ARHGAP28: variants seen among roughly 807,000 people sequenced by gnomAD.
ARHGAP28 encodes Rho GTPase activating protein 28.
In ARHGAP28, 56 loss-of-function variants were observed where a neutral mutation model predicts 90.7. That is an observed-to-expected ratio of 0.62 (90% CI 0.50 to 0.77). ARHGAP28 has a LOEUF of 0.77. ARHGAP28 is among the 30% of genes least tolerant of loss of function. The pLI is 0.00. For missense variants in ARHGAP28, 869 were observed against 900.9 expected, an observed-to-expected ratio of 0.96 and a Z score of 0.45; for synonymous variants, 308 against 323.3, an observed-to-expected ratio of 0.95 and a Z score of 0.51.
At chr18:6,807,667 T>C (rs545342460) in intron 1 of ARHGAP28, among the ~76,000 whole-genome samples, 111 of 152,328 alleles carry the variant, frequency 7.3e-4, no homozygotes, top group African/African-American at 2.5e-3. Flanking sequence ...GATCCTGTTA[T>C]CTGATTCTTC....
chr18:6,774,479 A>T (rs369704863), intron 1 of ARHGAP28, among the ~76,000 whole-genome samples: 1 of 152,196 alleles, frequency 6.6e-6, no homozygotes, highest in African/African-American at 2.4e-5. Context: ...TAAACCTCAA[A>T]TATACAAGTT....
chr18:6,746,281 T>G (rs1320820797), intron 1 of ARHGAP28, among the ~76,000 whole-genome samples: 1 of 152,058 alleles, frequency 6.6e-6, no homozygotes, highest in Admixed American at 6.6e-5. Context: ...AGACCAGGGG[T>G]TGGCACAGTT....
chr18:6,841,180 C>CCTCTCTCTCTCCTCTCTCT (rs2056814610), intron 3 of ARHGAP28, among the ~76,000 whole-genome samples: 1 of 57,064 alleles, frequency 1.8e-5, no homozygotes, highest in African/African-American at 1.0e-4. Flanking sequence ...CTCTCTCTCT[C>CCTCTCTCTCTCCTCTCTCT]CTCTCTCTCT....
At chr18:6,887,331 C>A in intron 12 of ARHGAP28, 92 bp downstream of exon 12, 1 of 1,159,314 alleles carries the variant, frequency 8.6e-7, no homozygotes, top group Non-Finnish European at 1.3e-6. Flanking sequence ...GATGACAGCT[C>A]ACTGAGCCAC....
At chr18:6,828,384 G>GGAGGAGAGAGGAGAGAGGAGA (rs371085342) in intron 2 of ARHGAP28, among the ~76,000 whole-genome samples, 1 of 151,632 alleles carries the variant, frequency 6.6e-6, no homozygotes, top group African/African-American at 2.4e-5. Flanking sequence ...GAGAGACAGA[G>GGAGGAGAGAGGAGAGAGGAGA]GAGGAGAGAG....
chr18:6,796,297 G>C (rs146900270), intron 1 of ARHGAP28, among the ~76,000 whole-genome samples: 59 of 151,928 alleles, frequency 3.9e-4, no homozygotes, highest in African/African-American at 1.4e-3. Context: ...TTTTCAGAGC[G>C]TATTGAGACC....
intron 3 of ARHGAP28, among the ~76,000 whole-genome samples, chr18:6,839,903 T>G (rs1017345416): frequency 6.6e-6 from 1 of 152,230 alleles, no homozygotes; most frequent in Non-Finnish European, 1.5e-5. Context: ...AAATTCATCT[T>G]TCTAATGGAT....
chr18:6,868,018 T>C, intron 5 of ARHGAP28, 132 bp from the exon 6 acceptor site: 2 of 698,870 alleles, frequency 2.9e-6, no homozygotes, highest in Non-Finnish European at 4.8e-6. Flanking sequence ...TGCCGGTCCT[T>C]TATGAAATCA....
intron 1 of ARHGAP28, among the ~76,000 whole-genome samples, chr18:6,735,561 T>G (rs1330801843): frequency 1.3e-5 from 2 of 151,908 alleles, no homozygotes; most frequent in Non-Finnish European, 2.9e-5. Context: ...TGCTGTTTTT[T>G]TTTTTTTTTT....
intron 17 of ARHGAP28, 51 bp from the exon 18 acceptor site, chr18:6,912,009 G>A (rs553521747): frequency 1.1e-4 from 133 of 1,208,674 alleles, no homozygotes; most frequent in Middle Eastern, 3.8e-4. Context: ...GTGTGCGCAC[G>A]CACACACACA....
intron 1 of ARHGAP28, among the ~76,000 whole-genome samples, chr18:6,738,313 A>G (rs1186989499): frequency 6.6e-6 from 1 of 151,960 alleles, no homozygotes; most frequent in African/African-American, 2.4e-5. Flanking sequence ...TTACTTATAT[A>G]CATTTATACT....
chr18:6,884,701 C>T (rs891437370), intron 11 of ARHGAP28, among the ~76,000 whole-genome samples: 9 of 152,122 alleles, frequency 5.9e-5, no homozygotes, highest in African/African-American at 1.4e-4. Context: ...ACCCCACACA[C>T]GCATGGTTTG....
intron 1 of ARHGAP28, among the ~76,000 whole-genome samples, chr18:6,783,559 C>T (rs930681420): frequency 6.9e-6 from 1 of 144,270 alleles, no homozygotes; most frequent in Non-Finnish European, 1.5e-5. Context: ...CCTCAGCCTC[C>T]CAAAGTGCTG....
At chr18:6,881,450 T>C (rs2057177277) in intron 10 of ARHGAP28, among the ~76,000 whole-genome samples, 1 of 151,954 alleles carries the variant, frequency 6.6e-6, no homozygotes, top group Admixed American at 6.6e-5. Context: ...CTGAGTGGCA[T>C]TGATAATCAG....
At chr18:6,823,901 G>C (rs1228521802) in intron 1 of ARHGAP28, among the ~76,000 whole-genome samples, 1 of 151,960 alleles carries the variant, frequency 6.6e-6, no homozygotes. Flanking sequence ...TGCATGTATG[G>C]TGGCTCTATT....
chr18:6,793,300 A>G (rs2056419178), intron 1 of ARHGAP28, among the ~76,000 whole-genome samples: 1 of 152,222 alleles, frequency 6.6e-6, no homozygotes, highest in Admixed American at 6.5e-5. Flanking sequence ...TATGCTCAAA[A>G]TAAGGACAGA....
At chr18:6,888,110 T>G (rs2057236270) in intron 12 of ARHGAP28, among the ~76,000 whole-genome samples, 1 of 152,210 alleles carries the variant, frequency 6.6e-6, no homozygotes, top group Admixed American at 6.5e-5. Context: ...TTTTACATAT[T>G]AGGAAAATGA....
intron 1 of ARHGAP28, among the ~76,000 whole-genome samples, chr18:6,815,598 C>T (rs560175471): frequency 1.3e-5 from 2 of 152,220 alleles, no homozygotes; most frequent in Admixed American, 1.3e-4. Context: ...TTAGCAGTCA[C>T]TCTCCATCTC....
At chr18:6,820,179 G>T (rs1229398171) in intron 1 of ARHGAP28, among the ~76,000 whole-genome samples, 1 of 151,954 alleles carries the variant, frequency 6.6e-6, no homozygotes, top group East Asian at 1.9e-4. Flanking sequence ...AGGATAGATG[G>T]GCAAAAATTG....
Sources: allele counts gnomAD v4.1 joint callset (sites outside exome capture counted in the v4.1 genomes callset), GRCh38; gene constraint gnomAD v4.1.1; transcripts MANE v1.5; gene names NCBI Gene and HGNC (gene_info 2026-07-23, HGNC 2026-07-21).